The following PTGES3 variants were observed in gnomAD, a reference collection of about 807,000 sequenced individuals.
The protein encoded by PTGES3 is prostaglandin E synthase 3.
Under a neutral mutation model 29.9 loss-of-function variants are expected in PTGES3, and 5 were observed. That is an observed-to-expected ratio of 0.17 (90% CI 0.09 to 0.35). The LOEUF is 0.35. PTGES3 is among the 10% of genes least tolerant of loss of function. The pLI is 1.00. For missense variants in PTGES3, 128 were observed against 190.0 expected (o/e 0.67, Z 1.92); for synonymous variants, 49 against 57.8 (o/e 0.85, Z 0.69).
At chr12:56,673,123 T>TACTA in intron 1 of PTGES3, 58 bp from the exon 2 acceptor site, 1 of 1,188,478 alleles carries the variant, frequency 8.4e-7, no homozygotes, top group Non-Finnish European at 1.2e-6. Context: ...AACATTCACA[T>TACTA]ACTAACCTTC....
intron 1 of PTGES3, among the ~76,000 whole-genome samples, chr12:56,683,376 G>A (rs540281315): frequency 6.8e-6 from 1 of 147,826 alleles, no homozygotes; most frequent in Admixed American, 7.1e-5. Flanking sequence ...GGGAGGCTGA[G>A]GCAGGAGAAT....
chr12:56,684,155 GTTTT>G (rs979984796), intron 1 of PTGES3, among the ~76,000 whole-genome samples: 1 of 151,800 alleles, frequency 6.6e-6, no homozygotes, highest in East Asian at 1.9e-4. Flanking sequence ...ATTTACAAAG[GTTTT>G]TTTTCCCCTG....
At chr12:56,674,393 T>C (rs534155594) in intron 1 of PTGES3, among the ~76,000 whole-genome samples, 1 of 152,268 alleles carries the variant, frequency 6.6e-6, no homozygotes, top group Admixed American at 6.5e-5. Flanking sequence ...TGATACTTTC[T>C]TATGAAAGCC....
chr12:56,667,200 G>C (rs1250242432), intron 5 of PTGES3, among the ~76,000 whole-genome samples: 1 of 152,200 alleles, frequency 6.6e-6, no homozygotes, highest in Non-Finnish European at 1.5e-5. Flanking sequence ...GATTACAGGA[G>C]CAAGCCACTG....
chr12:56,664,417 A>AT lies in PTGES3; in HGVS notation c.*61dup. ...AGCTATCAACTCAGGAATTCTCTCAATTATGAAATCTTGCAGAGAAGTTAT... is the reference window on the plus strand; with the variant it reads ...AGCTATCAACTCAGGAATTCTCTCAATTTATGAAATCTTGCAGAGAAGTTAT... On this transcript the variant is annotated 3_prime_UTR_variant, in exon 8 of 8. Coordinates refer to ENST00000262033, the MANE Select transcript of PTGES3 (RefSeq NM_006601.7). 6.4e-7 allele frequency: 1 copy of AT among 1,552,664 alleles called. No individual in the cohort carries two copies. Among genetic ancestry groups the AT allele is most frequent in the Non-Finnish European group, 8.8e-7 (1 of 1,135,346 alleles).
chr12:56,686,217 G>T (rs950316926), intron 1 of PTGES3, among the ~76,000 whole-genome samples: 1 of 151,880 alleles, frequency 6.6e-6, no homozygotes, highest in Non-Finnish European at 1.5e-5. Context: ...AAGATATGTT[G>T]TTTGGCTCTA....
rs1266614118 is a variant in PTGES3, at chr12:56,665,444, G to A, written c.439-644C>T. ...CAAGTAGCTGGGATTACAGGCACCC[G>A]CCACCATGCCCGGCTAATTTTTGTA... On this transcript the variant is annotated intron_variant, in intron 6 of 7. Coordinates refer to ENST00000262033, the MANE Select transcript of PTGES3 (RefSeq NM_006601.7). The A allele has an allele frequency of 7.9e-6, 7 of 889,240 alleles. No homozygotes were observed. In the East Asian group the frequency reaches 4.8e-4, roughly 62 times the overall value. 55.1% of individuals were successfully genotyped at this position (889,240 alleles called of 1,614,324 possible). A position where few individuals can be genotyped will look rare whatever the true frequency, so the allele number is the denominator to read the frequency against.
intron 4 of PTGES3, chr12:56,670,886 T>G (rs1292588730): frequency 6.5e-6 from 1 of 153,748 alleles, no homozygotes; most frequent in Admixed American, 6.4e-5. Context: ...AGACTAGTTG[T>G]GTAATCCTTC....
intron 5 of PTGES3, 152 bp from the exon 6 acceptor site, chr12:56,666,418 G>T: frequency 2.0e-6 from 2 of 1,019,722 alleles, no homozygotes; most frequent in Non-Finnish European, 2.7e-6. Flanking sequence ...GGAAAAGGAA[G>T]ATTATAGGTA....
At position 56,688,203 on chromosome 12, in the gene PTGES3, G is replaced by A. The variant is rs1294440770; in HGVS notation, c.-204C>T. ...CCGCGCGGAAAGAGCGGCTCCTCCG[G>A]TCGGGGAGAAGAGGAAAGTGTAGGA... On this transcript the variant is annotated 5_prime_UTR_variant, in exon 1 of 8. Coordinates refer to ENST00000262033, the MANE Select transcript of PTGES3 (RefSeq NM_006601.7). 1 of 933,050 alleles carries A rather than the reference G, an allele frequency of 1.1e-6. No homozygotes were observed. Among genetic ancestry groups the A allele is most frequent in the South Asian group, 2.1e-5 (1 of 47,432 alleles). The allele number at this position is 933,050 out of a possible 1,614,324, so 57.8% of individuals were successfully genotyped here.
intron 1 of PTGES3, among the ~76,000 whole-genome samples, chr12:56,681,406 C>T (rs766963517): frequency 1.3e-5 from 2 of 151,730 alleles, no homozygotes; most frequent in South Asian, 4.2e-4. Flanking sequence ...GATGAGGTGG[C>T]GGGAGCCTGT....
At position 56,665,691 on chromosome 12, in the gene PTGES3, G is replaced by A. The variant is rs565330780; in HGVS notation, c.438+513C>T. On this transcript the variant is annotated intron_variant, in intron 6 of 7. Coordinates refer to ENST00000262033, the MANE Select transcript of PTGES3 (RefSeq NM_006601.7). ...GAGCCTCGCTCTGCTGCCCACACTGGAGTGCAATGGTGTGATCTTGGCTCA... is the reference window on the plus strand; with the variant it reads ...GAGCCTCGCTCTGCTGCCCACACTGAAGTGCAATGGTGTGATCTTGGCTCA... The A allele has an allele frequency of 6.3e-6, 6 of 949,792 alleles. No homozygotes were observed. The African/African-American group carries it at 7.1e-5, about 11-fold the overall frequency. 58.8% of individuals were successfully genotyped at this position (949,792 alleles called of 1,614,324 possible).
intron 1 of PTGES3, chr12:56,687,569 G>A (rs1345971419): frequency 4.9e-6 from 5 of 1,030,900 alleles, no homozygotes; most frequent in African/African-American, 3.4e-5. Flanking sequence ...ACCCACCACA[G>A]GTGCACTCGA....
intron 5 of PTGES3, among the ~76,000 whole-genome samples, chr12:56,667,134 G>A (rs1381940768): frequency 2.0e-5 from 3 of 151,764 alleles, no homozygotes; most frequent in African/African-American, 7.3e-5. Flanking sequence ...TGGCCAGGCT[G>A]GTCTTGAACT....
chr12:56,681,032 A>T (rs1181346734), intron 1 of PTGES3, among the ~76,000 whole-genome samples: 1 of 151,466 alleles, frequency 6.6e-6, no homozygotes, highest in Non-Finnish European at 1.5e-5. Context: ...CCGGCCTCCC[A>T]AAGTGCTGGG....
In PTGES3 at chr12:56,666,380, A is replaced by G; in HGVS notation, c.376-114T>C. The stretch of plus-strand genomic sequence containing the variant: ...CTGCCACAGATATCAAAAAATGCAA[A>G]ATGCAAATATAAGCATCTTTCCCTT... On this transcript the variant is annotated intron_variant, in intron 5 of 7. Transcript: ENST00000262033. 2.4e-6 allele frequency: 3 copies of G among 1,271,988 alleles called. No homozygotes were observed. The South Asian group carries it at 5.6e-5, about 24-fold the overall frequency. The allele number at this position is 1,271,988 out of a possible 1,614,324, so 78.8% of individuals were successfully genotyped here. A position where few individuals can be genotyped will look rare whatever the true frequency, so the allele number is the denominator to read the frequency against.
At chr12:56,664,982 G>C in intron 6 of PTGES3, 182 bp from the exon 7 acceptor site, 1 of 985,428 alleles carries the variant, frequency 1.0e-6, no homozygotes, top group Non-Finnish European at 1.2e-6. Flanking sequence ...TGGATGTACA[G>C]CAGAGGATTT....
intron 5 of PTGES3, among the ~76,000 whole-genome samples, chr12:56,667,912 A>G (rs1002647132): frequency 1.7e-4 from 26 of 152,198 alleles, no homozygotes; most frequent in Admixed American, 7.9e-4. Context: ...GTTCGAGGCT[A>G]GCCTGCCCAA....
chr12:56,669,252 T>C (rs1029868264), intron 5 of PTGES3, among the ~76,000 whole-genome samples: 1 of 151,818 alleles, frequency 6.6e-6, no homozygotes, highest in African/African-American at 2.4e-5. Flanking sequence ...TGGAGTGCAA[T>C]AGCGATCTCG....
Sources: allele counts gnomAD v4.1 joint callset (sites outside exome capture counted in the v4.1 genomes callset), GRCh38; gene constraint gnomAD v4.1.1; transcripts MANE v1.5; gene names NCBI Gene and HGNC (gene_info 2026-07-23, HGNC 2026-07-21).